The following ARID5B variants were observed in gnomAD, a reference collection of about 807,000 sequenced individuals.
ARID5B encodes the protein AT-rich interactive domain-containing protein 5B.
In ARID5B, 13 loss-of-function variants were observed where a neutral mutation model predicts 97.2. The ratio of observed to expected loss-of-function variants is 0.13; its 90% CI spans 0.09 to 0.21. The LOEUF is 0.21. ARID5B is among the 10% of genes least tolerant of loss of function. The pLI is 1.00. For synonymous variants in ARID5B, 556 were observed against 570.3 expected (o/e 0.97, Z 0.36); for missense variants, 1,210 against 1,465.3 (o/e 0.83, Z 2.84).
At chr10:62,037,004 T>A (rs1839573693) in intron 4 of ARID5B, among the ~76,000 whole-genome samples, 1 of 152,234 alleles carries the variant, frequency 6.6e-6, no homozygotes, top group Non-Finnish European at 1.5e-5. Flanking sequence ...CAGATTCATG[T>A]GAAAAGCCAA....
At chr10:62,018,849 A>G (rs1247159268) in intron 4 of ARID5B, among the ~76,000 whole-genome samples, 17 of 152,134 alleles carry the variant, frequency 1.1e-4, no homozygotes, top group Non-Finnish European at 2.4e-4. Flanking sequence ...TTTTATCAGG[A>G]CAGCTGCCAG....
chr10:62,090,795 TATTTC>T, intron 9 of ARID5B, 62 bp from the exon 10 acceptor site: 1 of 1,507,498 alleles, frequency 6.6e-7, no homozygotes, highest in Non-Finnish European at 8.8e-7. Context: ...TGGAATATTT[TATTTC>T]ATAGCAAAAC....
intron 8 of ARID5B, among the ~76,000 whole-genome samples, chr10:62,077,394 T>C (rs1375676078): frequency 6.6e-6 from 1 of 152,218 alleles, no homozygotes; most frequent in Non-Finnish European, 1.5e-5. Flanking sequence ...AATTCTTAAA[T>C]TTGCCTCTAA....
chr10:62,009,830 C>T (rs1027898203), intron 4 of ARID5B, among the ~76,000 whole-genome samples: 1 of 152,162 alleles, frequency 6.6e-6, no homozygotes, highest in Admixed American at 6.5e-5. Flanking sequence ...AAAGAGAGCC[C>T]TAATGTCAGA....
Position 61,902,139 on chromosome 10 carries a change from GT to G in ARID5B, c.22-13del, listed in dbSNP as rs541429550. On this transcript the variant is annotated intron_variant, in intron 1 of 9. Transcript: ENST00000279873. The stretch of plus-strand genomic sequence containing the variant: ...CTGATGGCTACATTATTTATTTGGT[GT>G]TTTTTTCCCCCCCTGCAGTGGGTCG... 267 of 1,610,308 alleles carry G rather than the reference GT, an allele frequency of 1.7e-4. No homozygotes were observed. The highest frequency in any genetic ancestry group is 6.2e-4 in the African/African-American group (46 of 74,660).
chr10:61,925,423 T>C (rs1844086975), intron 2 of ARID5B, among the ~76,000 whole-genome samples: 1 of 152,152 alleles, frequency 6.6e-6, no homozygotes, highest in Non-Finnish European at 1.5e-5. Flanking sequence ...AAGCTAGCTT[T>C]TATTATGGCA....
chr10:62,066,188 G>A (rs761821066), intron 7 of ARID5B, among the ~76,000 whole-genome samples: 1 of 152,198 alleles, frequency 6.6e-6, no homozygotes, highest in African/African-American at 2.4e-5. Flanking sequence ...ACATGAAGCC[G>A]GGAGATGTTT....
At chr10:61,952,471 A>G (rs1343198257) in intron 3 of ARID5B, among the ~76,000 whole-genome samples, 1 of 152,218 alleles carries the variant, frequency 6.6e-6, no homozygotes, top group Non-Finnish European at 1.5e-5. Flanking sequence ...CTTCCCAAAA[A>G]GTCTTAACTC....
chr10:62,083,083 A>C (rs1840235480), intron 8 of ARID5B, among the ~76,000 whole-genome samples: 1 of 151,258 alleles, frequency 6.6e-6, no homozygotes, highest in South Asian at 2.1e-4. Flanking sequence ...ACACTCACAC[A>C]CTCTCATATA....
At chr10:62,029,917 T>A (rs12244885) in intron 4 of ARID5B, among the ~76,000 whole-genome samples, 13,346 of 152,206 alleles carry the variant, frequency 0.088, 894 homozygotes, top group Admixed American at 0.2. Flanking sequence ...AGCGTTTGGC[T>A]TTAGCAGAAA....
chr10:62,090,914 T>A lies in ARID5B; in HGVS notation c.1451T>A (p.Ile484Asn). 1.9e-6 allele frequency: 3 copies of A among 1,610,334 alleles called. No homozygotes were observed. Among genetic ancestry groups the A allele is most frequent in the Non-Finnish European group, 2.5e-6 (3 of 1,179,108 alleles). ...GAGACTTTAATAAGCCAGAAAAGCA[T>A]CCCTGAGCCTCTCCCAGCAGCAGAC... Reference protein sequence around the residue: ...EQETLISQKSIPEPLPAADMK... With the variant: ...EQETLISQKSNPEPLPAADMK... The change falls in exon 10 of 10, where the codon ATC becomes AAC. Residue 484 changes from isoleucine to asparagine, a missense_variant. Physicochemically the swap from Ile to Asn is moderately radical, Grantham distance 149. Around this residue, in one of 8 missense-constraint regions of ARID5B, gnomAD observed 800 missense variants for 839.1 expected, o/e 0.95. Coordinates refer to ENST00000279873, the MANE Select transcript of ARID5B (RefSeq NM_032199.3).
chr10:61,927,421 G>T lies in ARID5B; in HGVS notation c.277-12762G>T, dbSNP rs551133002. Among the ~76,000 whole-genome samples the T allele has an allele frequency of 7.6e-4, 116 of 152,232 alleles. 1 individual carries two copies. Among genetic ancestry groups the T allele is most frequent in the Non-Finnish European group, 1.5e-4 (10 of 68,008 alleles). ...GCTGCACTTGAACCTCAGTCCATCA[G>T]ACTCAAAAGCCAGGGTTTTCTCAGC... On this transcript the variant is annotated intron_variant, in intron 2 of 9. Coordinates refer to ENST00000279873, the MANE Select transcript of ARID5B (RefSeq NM_032199.3).
intron 3 of ARID5B, among the ~76,000 whole-genome samples, chr10:61,976,258 ATT>A (rs2132839750): frequency 6.6e-6 from 1 of 152,348 alleles, no homozygotes. Context: ...TATAAAATTT[ATT>A]TTGTTCTAAT....
At chr10:62,019,284 C>T (rs369784408) in intron 4 of ARID5B, among the ~76,000 whole-genome samples, 3 of 152,172 alleles carry the variant, frequency 2.0e-5, no homozygotes, top group African/African-American at 4.8e-5. Context: ...TCATGAATTA[C>T]GTCAGCCTTC....
Position 62,093,852 on chromosome 10 carries a change from GA to G in ARID5B, c.*827del, listed in dbSNP as rs1211439543. 7 of 233,298 alleles carry G rather than the reference GA, an allele frequency of 3.0e-5. No individual in the cohort carries two copies. The highest frequency in any genetic ancestry group is 5.9e-5 in the Non-Finnish European group (7 of 118,002). 14.5% of individuals were successfully genotyped at this position (233,298 alleles called of 1,614,324 possible). ...AGCAACTGATTCTAGTGGAACAAAT[GA>G]AAAAGAAACAGTCAAGCACACAATA... On this transcript the variant is annotated 3_prime_UTR_variant, in exon 10 of 10. Transcript: ENST00000279873.
chr10:62,044,590 C>T (rs1839682817), intron 4 of ARID5B, among the ~76,000 whole-genome samples: 1 of 152,090 alleles, frequency 6.6e-6, no homozygotes, highest in Non-Finnish European at 1.5e-5. Context: ...CCAAGCTGGT[C>T]TCAAGTTCCC....
At chr10:62,082,764 A>G (rs770177668) in intron 8 of ARID5B, among the ~76,000 whole-genome samples, 2 of 152,158 alleles carry the variant, frequency 1.3e-5, no homozygotes, top group Non-Finnish European at 2.9e-5. Context: ...TCTAATAATC[A>G]TATGATAAGA....
At chr10:61,907,574 C>T (rs1019774422) in intron 2 of ARID5B, among the ~76,000 whole-genome samples, 5 of 152,184 alleles carry the variant, frequency 3.3e-5, no homozygotes, top group African/African-American at 1.2e-4. Flanking sequence ...AGTGGTTGCA[C>T]TTATAATAGT....
At chr10:62,090,216 T>C (rs1474422916) in intron 9 of ARID5B, among the ~76,000 whole-genome samples, 1 of 152,214 alleles carries the variant, frequency 6.6e-6, no homozygotes, top group Non-Finnish European at 1.5e-5. Flanking sequence ...AAGGACTTAG[T>C]CTCCTCTGTC....
Sources: allele counts gnomAD v4.1 joint callset (sites outside exome capture counted in the v4.1 genomes callset), GRCh38; gene constraint gnomAD v4.1.1; regional missense constraint gnomAD v4.1.1; transcripts MANE v1.5; gene names NCBI Gene and HGNC (gene_info 2026-07-23, HGNC 2026-07-21).